Variants in FHIT observed in about 807,000 individuals in gnomAD.
The protein encoded by FHIT is bis(5'-adenosyl)-triphosphatase.
In FHIT, 19 loss-of-function variants were observed where a neutral mutation model predicts 17.9. The ratio of observed to expected loss-of-function variants is 1.06; its 90% CI spans 0.74 to 1.56. FHIT has a LOEUF of 1.56. FHIT is among the 40% of genes most tolerant of loss of function. The probability of loss-of-function intolerance (pLI) is 0.00; values close to 1 mark genes in which losing one functional copy is unlikely to be tolerated. For missense variants in FHIT, 248 were observed against 189.2 expected (o/e 1.31, Z -1.82); for synonymous variants, 81 against 69.7 (o/e 1.16, Z -0.81).
chr3:60,591,917 C>A (rs1183315549), intron 4 of FHIT, among the ~76,000 whole-genome samples: 7 of 151,820 alleles, frequency 4.6e-5, no homozygotes, highest in Non-Finnish European at 1.0e-4. Context: ...TTTACCCCGA[C>A]CATACCAAAA....
intron 8 of FHIT, among the ~76,000 whole-genome samples, chr3:59,799,264 A>G (rs1575514160): frequency 6.8e-6 from 1 of 148,014 alleles, no homozygotes; most frequent in East Asian, 1.9e-4. Flanking sequence ...GAGGCACAGT[A>G]AAAATGAAAG....
intron 5 of FHIT, among the ~76,000 whole-genome samples, chr3:60,090,560 T>A (rs560605694): frequency 6.6e-6 from 1 of 152,162 alleles, no homozygotes; most frequent in Non-Finnish European, 1.5e-5. Flanking sequence ...TGTGTTCTCT[T>A]TCTTCTTCTG....
intron 4 of FHIT, among the ~76,000 whole-genome samples, chr3:60,546,568 T>C (rs1051988635): frequency 3.3e-5 from 5 of 152,238 alleles, no homozygotes; most frequent in Non-Finnish European, 5.9e-5. Context: ...TATTTTCATT[T>C]GTCTTGTTTA....
chr3:60,053,080 A>G (rs1164612195), intron 5 of FHIT, among the ~76,000 whole-genome samples: 2 of 151,960 alleles, frequency 1.3e-5, no homozygotes, highest in Non-Finnish European at 2.9e-5. Context: ...TAAGAATGCC[A>G]AGCTCCATCC....
intron 3 of FHIT, among the ~76,000 whole-genome samples, chr3:60,963,549 T>C (rs1166100168): frequency 6.6e-6 from 1 of 152,236 alleles, no homozygotes; most frequent in Non-Finnish European, 1.5e-5. Flanking sequence ...TCTTTCCTGC[T>C]TTCTCCTGTG....
At chr3:60,780,521 T>C (rs1198161137) in intron 4 of FHIT, among the ~76,000 whole-genome samples, 34 of 152,180 alleles carry the variant, frequency 2.2e-4, no homozygotes, top group Admixed American at 2.2e-3. Flanking sequence ...TTCGTTTTGA[T>C]ACATAGTTTC....
At chr3:60,101,375 G>A (rs546021552) in intron 5 of FHIT, among the ~76,000 whole-genome samples, 28 of 152,296 alleles carry the variant, frequency 1.8e-4, no homozygotes, top group African/African-American at 5.1e-4. Flanking sequence ...AGCACTTGCT[G>A]CTCCTTTGAC....
intron 5 of FHIT, among the ~76,000 whole-genome samples, chr3:60,359,558 C>A (rs1452140285): frequency 6.6e-6 from 1 of 152,100 alleles, no homozygotes; most frequent in Non-Finnish European, 1.5e-5. Flanking sequence ...GGATTACAGG[C>A]GTGAGCCACT....
chr3:60,783,928 T>C (rs529925210), intron 4 of FHIT, among the ~76,000 whole-genome samples: 3 of 152,278 alleles, frequency 2.0e-5, no homozygotes, highest in African/African-American at 7.2e-5. Context: ...CAAAGTACAG[T>C]GATTTCCTTA....
chr3:60,738,202 T>C (rs139806673), intron 4 of FHIT, among the ~76,000 whole-genome samples: 14 of 152,340 alleles, frequency 9.2e-5, no homozygotes, highest in Middle Eastern at 3.4e-3. Flanking sequence ...AAAAGAGTCC[T>C]AAGCCTACTG....
At chr3:60,389,386 G>A (rs893709600) in intron 5 of FHIT, among the ~76,000 whole-genome samples, 3 of 152,140 alleles carry the variant, frequency 2.0e-5, no homozygotes, top group Non-Finnish European at 4.4e-5. Flanking sequence ...AAAATGTGCA[G>A]TAAGGCATCT....
At chr3:60,805,954 AC>A (rs1701370612) in intron 4 of FHIT, among the ~76,000 whole-genome samples, 1 of 152,230 alleles carries the variant, frequency 6.6e-6, no homozygotes, top group African/African-American at 2.4e-5. Context: ...TCAGGGGAAT[AC>A]AATTCAGGCC....
intron 2 of FHIT, among the ~76,000 whole-genome samples, chr3:61,184,971 C>T (rs2038461154): frequency 6.6e-6 from 1 of 152,288 alleles, no homozygotes; most frequent in East Asian, 1.9e-4. Context: ...CAATCTGTGG[C>T]TCTAAGGGAA....
At position 60,516,761 on chromosome 3, in the gene FHIT, A is replaced by G. The variant is rs137952502; in HGVS notation, c.103+20099T>C. On this transcript the variant is annotated intron_variant, in intron 5 of 9. Transcript: ENST00000492590. ...AAAATGACCTGGCTTTGCAAGAAGC[A>G]TCTCCGCCAGAGTAACGTCTCTGTA... 6.0e-4 allele frequency among the ~76,000 whole-genome samples: 92 copies of G among 152,362 alleles called. 1 individual carries two copies. The highest frequency in any genetic ancestry group is 2.1e-3 in the African/African-American group (88 of 41,592).
intron 5 of FHIT, among the ~76,000 whole-genome samples, chr3:60,325,740 T>G (rs889903185): frequency 6.6e-6 from 1 of 152,196 alleles, no homozygotes; most frequent in Admixed American, 6.5e-5. Flanking sequence ...AATGGACACT[T>G]CAGAATAAAA....
chr3:60,619,925 A>T (rs1553677729), intron 4 of FHIT, among the ~76,000 whole-genome samples: 1 of 152,116 alleles, frequency 6.6e-6, no homozygotes, highest in African/African-American at 2.4e-5. Context: ...TGTATGATAA[A>T]GAACTGTTAT....
At chr3:61,169,194 C>T (rs1348018074) in intron 2 of FHIT, among the ~76,000 whole-genome samples, 1 of 152,160 alleles carries the variant, frequency 6.6e-6, no homozygotes, top group Non-Finnish European at 1.5e-5. Flanking sequence ...TGCACCACTT[C>T]GTAAGTTGTA....
At chr3:59,869,202 G>A (rs532260058) in intron 8 of FHIT, among the ~76,000 whole-genome samples, 7 of 152,200 alleles carry the variant, frequency 4.6e-5, no homozygotes, top group East Asian at 1.9e-4. Flanking sequence ...CTAACAGACC[G>A]ATTTTGTGAT....
At chr3:61,010,808 T>C (rs2031745402) in intron 3 of FHIT, among the ~76,000 whole-genome samples, 1 of 152,228 alleles carries the variant, frequency 6.6e-6, no homozygotes, top group Non-Finnish European at 1.5e-5. Context: ...TGTAGCAGAA[T>C]TGTGGAAGGA....
Sources: gnomAD v4.1 joint callset for allele counts (sites outside exome capture counted in the v4.1 genomes callset) on GRCh38, gnomAD v4.1.1 for gene constraint, MANE v1.5 for transcripts, NCBI Gene and HGNC (gene_info 2026-07-23, HGNC 2026-07-21) for gene names.